The following LRBA variants were observed in gnomAD, a reference collection of about 807,000 sequenced individuals.
The protein encoded by LRBA is LPS responsive beige-like anchor protein, also known as lipopolysaccharide-responsive and beige-like anchor protein.
LRBA carries 176 observed loss-of-function variants against 330.0 expected under a neutral mutation model. The ratio of observed to expected loss-of-function variants is 0.53; its 90% CI spans 0.47 to 0.60. The LOEUF (loss-of-function observed/expected upper bound fraction) is 0.60. LRBA is among the 20% of genes least tolerant of loss of function. LRBA has a pLI of 0.00. For missense variants in LRBA, 3,259 were observed against 3,444.8 expected, an observed-to-expected ratio of 0.95 and a Z score of 1.35; for synonymous variants, 1,230 against 1,193.0, an observed-to-expected ratio of 1.03 and a Z score of -0.64.
At chr4:150,927,979 T>C (rs765316930) in intron 4 of LRBA, among the ~76,000 whole-genome samples, 1 of 152,168 alleles carries the variant, frequency 6.6e-6, no homozygotes, top group Non-Finnish European at 1.5e-5. Flanking sequence ...GGAGAAAATA[T>C]TTACTACTCC....
At chr4:150,877,026 G>T (rs1199904893) in intron 17 of LRBA, among the ~76,000 whole-genome samples, 4 of 152,080 alleles carry the variant, frequency 2.6e-5, no homozygotes, top group Non-Finnish European at 5.9e-5. Flanking sequence ...GGCCGAGGCA[G>T]GAGGATCACG....
chr4:150,270,178 G>A (rs1188796857), intron 56 of LRBA, among the ~76,000 whole-genome samples: 1 of 152,050 alleles, frequency 6.6e-6, no homozygotes, highest in Non-Finnish European at 1.5e-5. Flanking sequence ...AAAGTCAAAC[G>A]GAATTGCCAT....
intron 26 of LRBA, 122 bp from the exon 27 acceptor site, chr4:150,844,901 A>G: frequency 1.3e-6 from 1 of 776,312 alleles, no homozygotes; most frequent in Non-Finnish European, 2.0e-6. Context: ...GACGACATTC[A>G]GCTTATTCCT....
intron 37 of LRBA, among the ~76,000 whole-genome samples, chr4:150,618,848 G>GTA (rs34589903): frequency 2.8e-3 from 406 of 146,258 alleles, no homozygotes; most frequent in Middle Eastern, 7.2e-3. Flanking sequence ...ATGTGTGTAT[G>GTA]TATATATATA....
At chr4:150,322,997 G>GTA (rs1732739864) in intron 49 of LRBA, among the ~76,000 whole-genome samples, 1 of 111,094 alleles carries the variant, frequency 9.0e-6, no homozygotes, top group African/African-American at 4.6e-5. Flanking sequence ...GTGTGTCTCT[G>GTA]TGTGTGTGTG....
At chr4:150,385,124 A>C (rs1348927096) in intron 47 of LRBA, among the ~76,000 whole-genome samples, 3 of 152,212 alleles carry the variant, frequency 2.0e-5, no homozygotes, top group Non-Finnish European at 4.4e-5. Flanking sequence ...TATTCGAATC[A>C]TTGTATGTAA....
chr4:150,772,504 T>G (rs1736719340), intron 34 of LRBA, among the ~76,000 whole-genome samples: 2 of 152,208 alleles, frequency 1.3e-5, no homozygotes, highest in Admixed American at 6.5e-5. Flanking sequence ...CTTGATGGCT[T>G]AGTAGGACAG....
chr4:150,347,507 G>A (rs551180094), intron 48 of LRBA, among the ~76,000 whole-genome samples: 9 of 152,124 alleles, frequency 5.9e-5, no homozygotes, highest in Admixed American at 1.3e-4. Flanking sequence ...TTAGCCAGGC[G>A]TGGTGGCAGG....
chr4:150,300,427 A>G (rs1378069312), intron 53 of LRBA, among the ~76,000 whole-genome samples: 1 of 152,056 alleles, frequency 6.6e-6, no homozygotes, highest in Non-Finnish European at 1.5e-5. Flanking sequence ...GAGGGTATAG[A>G]TGAAGTACGC....
At chr4:150,433,684 T>C (rs1234133552) in intron 46 of LRBA, among the ~76,000 whole-genome samples, 3 of 152,148 alleles carry the variant, frequency 2.0e-5, no homozygotes, top group African/African-American at 7.2e-5. Flanking sequence ...ATTTCTCTTA[T>C]TATTTCTCAA....
At chr4:150,375,054 G>A (rs551903799) in intron 47 of LRBA, among the ~76,000 whole-genome samples, 2 of 143,838 alleles carry the variant, frequency 1.4e-5, no homozygotes, top group East Asian at 2.1e-4. Context: ...ACAACAAGAG[G>A]GCATATAACC....
intron 26 of LRBA, among the ~76,000 whole-genome samples, chr4:150,845,840 A>G (rs1749772491): frequency 6.6e-6 from 1 of 152,222 alleles, no homozygotes; most frequent in Non-Finnish European, 1.5e-5. Context: ...CAGACCCAGG[A>G]AATACTTTTC....
chr4:150,498,315 T>G (rs1051148785), intron 40 of LRBA, among the ~76,000 whole-genome samples: 10 of 152,144 alleles, frequency 6.6e-5, no homozygotes, highest in Non-Finnish European at 8.8e-5. Context: ...TTAAAAATAA[T>G]TTGCATTCTA....
chr4:150,895,340 T>G (rs964452413), intron 16 of LRBA, among the ~76,000 whole-genome samples: 2 of 152,146 alleles, frequency 1.3e-5, no homozygotes, highest in East Asian at 3.9e-4. Flanking sequence ...TGTGCAGGTT[T>G]GTTACATATG....
chr4:150,406,367 T>C (rs1746195093), intron 47 of LRBA, among the ~76,000 whole-genome samples: 1 of 152,172 alleles, frequency 6.6e-6, no homozygotes, highest in African/African-American at 2.4e-5. Flanking sequence ...AATAATAACA[T>C]TAAATGTGAA....
rs184733440 is a variant in LRBA at position 150,897,934 on chromosome 4, G to A, written c.1925-116C>T. ...TGTGTTTGTAAGAAATATAAAGGTA[G>A]GTCTCCTACAGAATGACCTTTTATG... On this transcript the variant is annotated intron_variant, in intron 14 of 56. Transcript: ENST00000651943. 72 of 685,788 alleles carry A rather than the reference G, an allele frequency of 1.0e-4. No homozygotes were observed. The African/African-American group carries it at 1.2e-3, about 11-fold the overall frequency. The allele number at this position is 685,788 out of a possible 1,614,324, so 42.5% of individuals were successfully genotyped here. A position where few individuals can be genotyped will look rare whatever the true frequency, so the allele number is the denominator to read the frequency against.
At chr4:151,001,296 C>G (rs1189713165) in intron 2 of LRBA, among the ~76,000 whole-genome samples, 1 of 152,168 alleles carries the variant, frequency 6.6e-6, no homozygotes, top group Non-Finnish European at 1.5e-5. Flanking sequence ...GCCTCATGTT[C>G]CCCAGTAGCA....
At chr4:150,478,771 A>G (rs1379855938) in intron 42 of LRBA, among the ~76,000 whole-genome samples, 1 of 152,218 alleles carries the variant, frequency 6.6e-6, no homozygotes, top group Non-Finnish European at 1.5e-5. Flanking sequence ...TAAAAGTCAC[A>G]TAGGAAGATA....
intron 2 of LRBA, among the ~76,000 whole-genome samples, chr4:150,977,031 A>C (rs1740259396): frequency 1.3e-5 from 2 of 152,224 alleles, no homozygotes; most frequent in African/African-American, 4.8e-5. Context: ...CTTGAAGGGC[A>C]GTCTAGGCCA....
Sources: allele counts gnomAD v4.1 joint callset (sites outside exome capture counted in the v4.1 genomes callset), GRCh38; gene constraint gnomAD v4.1.1; transcripts MANE v1.5; gene names NCBI Gene and HGNC (gene_info 2026-07-23, HGNC 2026-07-21).